USP40: variants seen among roughly 807,000 people sequenced by gnomAD.
USP40 encodes ubiquitin specific peptidase 40.
In USP40, 143 loss-of-function variants were observed where a neutral mutation model predicts 166.2. That is an observed-to-expected ratio of 0.86 (90% CI 0.75 to 0.99). The LOEUF (loss-of-function observed/expected upper bound fraction) is 0.99, where lower values mean the gene tolerates loss of function less well. Among genes scored for constraint, USP40 ranks in the 50% least tolerant of loss-of-function variants. The pLI, the probability that USP40 is intolerant of heterozygous loss-of-function variation, is 0.00. For synonymous variants in USP40, 498 were observed against 524.0 expected, an observed-to-expected ratio of 0.95 and a Z score of 0.68; for missense variants, 1,444 against 1,479.7, an observed-to-expected ratio of 0.98 and a Z score of 0.40.
intron 7 of USP40, among the ~76,000 whole-genome samples, chr2:233,550,806 G>C (rs1024910546): frequency 1.3e-5 from 2 of 152,048 alleles, no homozygotes; most frequent in Non-Finnish European, 2.9e-5. Flanking sequence ...TATGTCTTAA[G>C]GATTACAGAT....
intron 4 of USP40, among the ~76,000 whole-genome samples, chr2:233,559,001 A>G (rs577715018): frequency 3.9e-4 from 59 of 152,190 alleles, no homozygotes; most frequent in Non-Finnish European, 8.2e-4. Context: ...AAGGCAATAT[A>G]ACAGTATTCC....
intron 10 of USP40, among the ~76,000 whole-genome samples, chr2:233,535,560 T>C (rs1430773096): frequency 6.6e-6 from 1 of 152,194 alleles, no homozygotes; most frequent in Non-Finnish European, 1.5e-5. Flanking sequence ...AGCTATTCCC[T>C]GGAACTAAAG....
chr2:233,535,772 C>A (rs1255760604), intron 10 of USP40, among the ~76,000 whole-genome samples: 1 of 152,068 alleles, frequency 6.6e-6, no homozygotes, highest in African/African-American at 2.4e-5. Context: ...AGATGATGGT[C>A]AAAGGATACA....
chr2:233,545,351 C>G (rs2069814573), intron 8 of USP40: 1 of 152,236 alleles, frequency 6.6e-6, no homozygotes, highest in Admixed American at 6.5e-5. Flanking sequence ...GACATATAGG[C>G]TGGGCCCAGT....
chr2:233,515,457 G>A (rs539241929), intron 18 of USP40, among the ~76,000 whole-genome samples: 1 of 152,202 alleles, frequency 6.6e-6, no homozygotes, highest in East Asian at 1.9e-4. Context: ...TAATTTGATT[G>A]CTAATGATTC....
intron 27 of USP40, 36 bp from the exon 28 acceptor site, chr2:233,488,340 A>G (rs1007034725): frequency 1.5e-5 from 23 of 1,508,138 alleles, no homozygotes; most frequent in Non-Finnish European, 1.9e-5. Flanking sequence ...ATTGAGTGAC[A>G]TAACATTTAA....
At chr2:233,517,781 GGTGTGTGT>G (rs111938537) in intron 18 of USP40, among the ~76,000 whole-genome samples, 3,596 of 142,214 alleles carry the variant, frequency 0.025, 56 homozygotes, top group African/African-American at 0.036. Flanking sequence ...AAGAAACTGT[GGTGTGTGT>G]GTGTGTGTGT....
Position 233,524,495 on chromosome 2 carries a change from C to T in USP40, c.1878G>A (p.Val626=). The T allele has an allele frequency of 1.2e-6, 2 of 1,604,920 alleles. No individual in the cohort carries two copies. Among genetic ancestry groups the T allele is most frequent in the Non-Finnish European group, 8.5e-7 (1 of 1,176,316 alleles). ...TTTCTTCAGTAATTTTTTTTACCTC[C>T]ACCCCATTCCACACAAAGATGTCTT... The part of the protein sequence containing the change: ...DGEDIFVWNG[V]EVGGVHIQTG... Residue 626 remains valine, a synonymous_variant, in exon 15 of 32, where the codon GTG becomes GTA. Coordinates refer to ENST00000678225, the MANE Select transcript of USP40 (RefSeq NM_001365479.2).
At chr2:233,522,254 A>G (rs1302257346) in intron 16 of USP40, among the ~76,000 whole-genome samples, 1 of 152,198 alleles carries the variant, frequency 6.6e-6, no homozygotes, top group Non-Finnish European at 1.5e-5. Context: ...AGTGATTAAC[A>G]CTGCATGCTG....
chr2:233,494,528 G>A (rs2065541525), intron 24 of USP40, among the ~76,000 whole-genome samples: 1 of 151,886 alleles, frequency 6.6e-6, no homozygotes, highest in Non-Finnish European at 1.5e-5. Flanking sequence ...CTTACAAATT[G>A]TTTATGGGAC....
chr2:233,536,308 A>G (rs1476570586), intron 10 of USP40, among the ~76,000 whole-genome samples: 1 of 152,236 alleles, frequency 6.6e-6, no homozygotes, highest in Admixed American at 6.5e-5. Flanking sequence ...ACTAAAAAGT[A>G]TAATATCTGA....
At chr2:233,562,929 A>G (rs1202861018) in intron 2 of USP40, 126 bp from the exon 3 acceptor site, 2 of 612,400 alleles carry the variant, frequency 3.3e-6, no homozygotes, top group Non-Finnish European at 5.3e-6. Flanking sequence ...GGCAATATTT[A>G]TACCTTACTC....
chr2:233,510,735 ATC>A (rs528085969), intron 20 of USP40, among the ~76,000 whole-genome samples: 59 of 152,048 alleles, frequency 3.9e-4, no homozygotes, highest in African/African-American at 1.3e-3. Flanking sequence ...TATGATCTCC[ATC>A]TCTGTCTCGA....
rs114124519 is a variant in USP40, at chr2:233,542,180, A to G, written c.1062+88T>C. 1.6e-3 allele frequency: 977 copies of G among 609,064 alleles called. 8 individuals are homozygous for G. The African/African-American group carries it at 0.017, about 11-fold the overall frequency. 37.7% of individuals were successfully genotyped at this position (609,064 alleles called of 1,614,324 possible). On this transcript the variant is annotated intron_variant, in intron 9 of 31. Transcript: ENST00000678225. ...TAATAATATCACACCTAGCAATTAA[A>G]CCGCATACATTCTTACATATATACA...
rs534338750 is a variant in USP40 at position 233,539,051 on chromosome 2, G to A, written c.1170+1611C>T. 2.6e-5 allele frequency among the ~76,000 whole-genome samples: 4 copies of A among 152,090 alleles called. No individual in the cohort carries two copies. The South Asian group carries it at 6.2e-4, about 24-fold the overall frequency. On this transcript the variant is annotated intron_variant, in intron 10 of 31. Transcript: ENST00000678225. ...CTCAAAAAAAAGGCAAGCATTTCAC[G>A]CCAGGAGGCAATAACAATCCTAAAT...
intron 19 of USP40, 44 bp from the exon 20 acceptor site, chr2:233,511,841 G>T: frequency 7.0e-7 from 1 of 1,421,666 alleles, no homozygotes. Flanking sequence ...TTAATTCCTA[G>T]CTCTCTAAGA....
intron 2 of USP40, among the ~76,000 whole-genome samples, chr2:233,564,704 T>C: frequency 6.6e-6 from 1 of 152,198 alleles, no homozygotes; most frequent in Non-Finnish European, 1.5e-5. Context: ...AAAAAGTGTT[T>C]TTTATATATA....
chr2:233,522,271 C>T (rs553575553), intron 16 of USP40, among the ~76,000 whole-genome samples: 97 of 152,298 alleles, frequency 6.4e-4, no homozygotes, highest in African/African-American at 2.3e-3. Context: ...GCTGAGAAGA[C>T]GGATACTGTT....
Position 233,493,479 on chromosome 2 carries a change from G to T in USP40, c.2863C>A (p.Gln955Lys), listed in dbSNP as rs370749840. 5 of 1,613,820 alleles carry T rather than the reference G, an allele frequency of 3.1e-6. No individual in the cohort carries two copies. The highest frequency in any genetic ancestry group is 4.2e-6 in the Non-Finnish European group (5 of 1,179,886). Residue 955 changes from glutamine (Q) to lysine (K), a missense_variant, in exon 25 of 32, where the codon CAG (glutamine) becomes AAG (lysine). By Grantham distance (53) the Gln-to-Lys change is moderately conservative (BLOSUM62 1). Transcript: ENST00000678225. The surrounding 1 kb of genome is among the most constrained non-coding windows in gnomAD (Gnocchi z 4.7). ...PSGHWESHQD[Q>K]TNCTSSWGRV... ...CCCCAAGACGAAGTACAGTTGGTCT[G>T]GTCCTGATGACTCTCCCAGTGTCCT...
Sources: allele counts gnomAD v4.1 joint callset (sites outside exome capture counted in the v4.1 genomes callset), GRCh38; gene constraint gnomAD v4.1.1; non-coding constraint Gnocchi (gnomAD v3.1); transcripts MANE v1.5; gene names NCBI Gene and HGNC (gene_info 2026-07-23, HGNC 2026-07-21).